The following WWOX variants were observed in gnomAD, a reference collection of about 807,000 sequenced individuals.
WWOX encodes WW domain containing oxidoreductase.
A neutral mutation model predicts 46.2 loss-of-function variants in WWOX; 69 were observed. That is an observed-to-expected ratio of 1.49 (90% CI 1.23 to 1.82). WWOX has a LOEUF of 1.82. Among genes scored for constraint, WWOX ranks in the 40% most tolerant of loss-of-function variants. The pLI is 0.00. For synonymous variants in WWOX, 359 were observed against 202.6 expected, an observed-to-expected ratio of 1.77 and a Z score of -6.56; for missense variants, 919 against 542.6, an observed-to-expected ratio of 1.69 and a Z score of -6.89.
intron 8 of WWOX, among the ~76,000 whole-genome samples, chr16:79,115,361 A>G (rs1294234721): frequency 6.6e-6 from 1 of 152,188 alleles, no homozygotes; most frequent in Non-Finnish European, 1.5e-5. Context: ...CAGGACTTAT[A>G]TGGTGCAGGG....
At chr16:78,168,880 A>G (rs568979989) in intron 5 of WWOX, among the ~76,000 whole-genome samples, 1 of 152,342 alleles carries the variant, frequency 6.6e-6, no homozygotes, top group Non-Finnish European at 1.5e-5. Flanking sequence ...TAATTATTTC[A>G]TGGGAAAATG....
intron 8 of WWOX, among the ~76,000 whole-genome samples, chr16:78,857,127 T>G (rs12935055): frequency 4.2e-4 from 64 of 152,186 alleles, no homozygotes; most frequent in African/African-American, 1.5e-3. Flanking sequence ...CAGTGTGTGA[T>G]AGTGCTTAAA....
At chr16:79,200,126 G>T (rs958622174) in intron 8 of WWOX, among the ~76,000 whole-genome samples, 6 of 152,116 alleles carry the variant, frequency 3.9e-5, no homozygotes, top group Non-Finnish European at 7.3e-5. Context: ...ACACTGCAGG[G>T]GAGGCACCAT....
At chr16:78,507,484 G>A (rs1203344541) in intron 8 of WWOX, among the ~76,000 whole-genome samples, 1 of 152,166 alleles carries the variant, frequency 6.6e-6, no homozygotes, top group African/African-American at 2.4e-5. Context: ...TTCCACTCCG[G>A]TTGGTCCATA....
At chr16:78,772,363 G>C (rs1027361569) in intron 8 of WWOX, among the ~76,000 whole-genome samples, 45 of 152,190 alleles carry the variant, frequency 3.0e-4, no homozygotes, top group Admixed American at 2.7e-3. Flanking sequence ...TCTCGCAGAA[G>C]ACATGATCGC....
intron 8 of WWOX, among the ~76,000 whole-genome samples, chr16:78,614,690 C>A (rs141357389): frequency 6.6e-6 from 1 of 152,208 alleles, no homozygotes; most frequent in Non-Finnish European, 1.5e-5. Flanking sequence ...TTGATACTAA[C>A]GCTACATGAA....
intron 5 of WWOX, among the ~76,000 whole-genome samples, chr16:78,266,304 G>A (rs28523728): frequency 0.017 from 2,551 of 152,282 alleles, 63 homozygotes; most frequent in African/African-American, 0.055. Flanking sequence ...ATTCCAGAGA[G>A]ATCTGAAGTA....
At chr16:78,466,977 G>C (rs922971272) in intron 8 of WWOX, among the ~76,000 whole-genome samples, 2 of 151,988 alleles carry the variant, frequency 1.3e-5, no homozygotes, top group Non-Finnish European at 2.9e-5. Context: ...GAGGGACACC[G>C]ATCCCTACCC....
intron 8 of WWOX, among the ~76,000 whole-genome samples, chr16:78,667,815 G>C (rs556788932): frequency 6.6e-6 from 1 of 151,916 alleles, no homozygotes; most frequent in African/African-American, 2.4e-5. Flanking sequence ...GCTTGCATCT[G>C]TTTGCCTATG....
chr16:79,103,665 C>A (rs1290722483), intron 8 of WWOX, among the ~76,000 whole-genome samples: 1 of 152,148 alleles, frequency 6.6e-6, no homozygotes, highest in Non-Finnish European at 1.5e-5. Flanking sequence ...AATGACCTAT[C>A]CAGTCCATGC....
At chr16:78,941,604 C>G (rs1367400661) in intron 8 of WWOX, among the ~76,000 whole-genome samples, 1 of 151,950 alleles carries the variant, frequency 6.6e-6, no homozygotes, top group African/African-American at 2.4e-5. Context: ...GTGAGGTACA[C>G]CTTTCATAAA....
At chr16:78,192,880 C>T (rs35242440) in intron 5 of WWOX, among the ~76,000 whole-genome samples, 20,763 of 152,208 alleles carry the variant, frequency 0.14, 1,739 homozygotes, top group Non-Finnish European at 0.19. Flanking sequence ...TTTTCTCAGT[C>T]GATTGACAAG....
At chr16:78,956,440 C>T (rs137928764) in intron 8 of WWOX, among the ~76,000 whole-genome samples, 1 of 152,250 alleles carries the variant, frequency 6.6e-6, no homozygotes, top group Non-Finnish European at 1.5e-5. Context: ...CAGGCATGAG[C>T]CACCACTCTA....
intron 8 of WWOX, among the ~76,000 whole-genome samples, chr16:78,994,040 C>A (rs1206334283): frequency 6.6e-6 from 1 of 152,196 alleles, no homozygotes; most frequent in Non-Finnish European, 1.5e-5. Context: ...CCTAAATGTT[C>A]TTTGACTCTG....
intron 8 of WWOX, among the ~76,000 whole-genome samples, chr16:78,720,444 TC>T (rs1337000709): frequency 6.6e-6 from 1 of 151,194 alleles, no homozygotes; most frequent in African/African-American, 2.4e-5. Context: ...ATTTTGAAAT[TC>T]CCAATTTGCA....
At chr16:78,397,451 A>G (rs112530739) in intron 6 of WWOX, among the ~76,000 whole-genome samples, 514 of 152,314 alleles carry the variant, frequency 3.4e-3, no homozygotes, top group Admixed American at 6.3e-3. Flanking sequence ...ATGATTAACC[A>G]CATTTTACAG....
intron 8 of WWOX, among the ~76,000 whole-genome samples, chr16:78,657,490 G>T (rs187842674): frequency 3.9e-5 from 6 of 152,258 alleles, no homozygotes; most frequent in Admixed American, 2.0e-4. Context: ...ATGCATGCTG[G>T]GGTCAGTAAA....
intron 8 of WWOX, among the ~76,000 whole-genome samples, chr16:78,924,951 T>C (rs912076051): frequency 2.0e-5 from 3 of 152,102 alleles, no homozygotes; most frequent in Admixed American, 2.0e-4. Flanking sequence ...TTCCAGCACT[T>C]TGGGGGGCCA....
At chr16:79,067,212 T>G (rs542473499) in intron 8 of WWOX, among the ~76,000 whole-genome samples, 1 of 152,282 alleles carries the variant, frequency 6.6e-6, no homozygotes, top group South Asian at 2.1e-4. Flanking sequence ...CTTCTGGTGA[T>G]TCTGATATTC....
Sources: gnomAD v4.1 joint callset for allele counts (sites outside exome capture counted in the v4.1 genomes callset) on GRCh38, gnomAD v4.1.1 for gene constraint, MANE v1.5 for transcripts, NCBI Gene and HGNC (gene_info 2026-07-23, HGNC 2026-07-21) for gene names.